The following KCND2 variants were observed in gnomAD, a reference collection of about 807,000 sequenced individuals.
KCND2 encodes the protein potassium voltage-gated channel subfamily D member 2, also known as A-type voltage-gated potassium channel KCND2.
In KCND2, 16 loss-of-function variants were observed where a neutral mutation model predicts 54.4. That is an observed-to-expected ratio of 0.29 (90% CI 0.20 to 0.45). KCND2 has a LOEUF of 0.45. Among genes scored for constraint, KCND2 ranks in the 20% least tolerant of loss-of-function variants. The pLI is 1.00. For synonymous variants in KCND2, 317 were observed against 310.7 expected (o/e 1.02, Z -0.21); for missense variants, 486 against 824.2 (o/e 0.59, Z 5.02).
In KCND2 at chr7:120,611,880, A is replaced by G. The variant is rs182627219; in HGVS notation, c.1116-121023A>G. On this transcript the variant is annotated intron_variant, in intron 1 of 5. Transcript: ENST00000331113. ...GAAGAGAAATGGATGTTTCATAGGAAGAAATCTTTGGCTCATGGTGTTTAG... is the reference window on the plus strand; with the variant it reads ...GAAGAGAAATGGATGTTTCATAGGAGGAAATCTTTGGCTCATGGTGTTTAG... 7.2e-5 allele frequency among the ~76,000 whole-genome samples: 11 copies of G among 152,312 alleles called. No individual in the cohort carries two copies. The East Asian group carries it at 1.5e-3, about 21-fold the overall frequency.
At chr7:120,580,472 G>T (rs752279269) in intron 1 of KCND2, among the ~76,000 whole-genome samples, 5 of 152,064 alleles carry the variant, frequency 3.3e-5, no homozygotes, top group Non-Finnish European at 7.4e-5. Flanking sequence ...AGCAAGACAG[G>T]CCGGAAACTT....
At chr7:120,358,517 T>G (rs1800541080) in intron 1 of KCND2, among the ~76,000 whole-genome samples, 1 of 152,132 alleles carries the variant, frequency 6.6e-6, no homozygotes, top group African/African-American at 2.4e-5. Context: ...TTTTTTTTTG[T>G]CTAATCAGTT....
intron 1 of KCND2, among the ~76,000 whole-genome samples, chr7:120,300,383 T>C (rs143776095): frequency 6.6e-6 from 1 of 152,244 alleles, no homozygotes; most frequent in Non-Finnish European, 1.5e-5. Context: ...ACATTTATAT[T>C]AATATCTTTA....
At chr7:120,505,493 G>T (rs554533807) in intron 1 of KCND2, among the ~76,000 whole-genome samples, 33 of 151,746 alleles carry the variant, frequency 2.2e-4, no homozygotes, top group African/African-American at 7.7e-4. Flanking sequence ...ATAGAGAAAC[G>T]GCATGTTTGT....
intron 1 of KCND2, among the ~76,000 whole-genome samples, chr7:120,450,324 C>T (rs1262810880): frequency 6.6e-6 from 1 of 152,048 alleles, no homozygotes; most frequent in Non-Finnish European, 1.5e-5. Flanking sequence ...GCAGGAGAAT[C>T]GATTTAACCT....
chr7:120,696,047 T>C (rs1003788961), intron 1 of KCND2, among the ~76,000 whole-genome samples: 1 of 152,162 alleles, frequency 6.6e-6, no homozygotes, highest in Non-Finnish European at 1.5e-5. Flanking sequence ...CCTGGGAACA[T>C]CAAACAAGGC....
intron 1 of KCND2, among the ~76,000 whole-genome samples, chr7:120,445,323 A>G (rs1802004422): frequency 1.3e-5 from 2 of 152,206 alleles, no homozygotes; most frequent in South Asian, 2.1e-4. Flanking sequence ...CTAAAATTTC[A>G]GGATGGACTA....
chr7:120,478,642 A>G (rs1310670648), intron 1 of KCND2, among the ~76,000 whole-genome samples: 1 of 152,108 alleles, frequency 6.6e-6, no homozygotes, highest in Admixed American at 6.5e-5. Flanking sequence ...TTGCATAAAT[A>G]TTTTTGAATA....
chr7:120,747,243 G>A (rs929251509), intron 5 of KCND2, among the ~76,000 whole-genome samples: 6 of 151,732 alleles, frequency 4.0e-5, no homozygotes, highest in Non-Finnish European at 8.8e-5. Flanking sequence ...GAGGTTTGAG[G>A]GCATTATATA....
intron 1 of KCND2, among the ~76,000 whole-genome samples, chr7:120,520,087 C>A (rs893526103): frequency 6.6e-6 from 1 of 151,800 alleles, no homozygotes; most frequent in Non-Finnish European, 1.5e-5. Flanking sequence ...AACAATAGTT[C>A]TTTATGATAA....
At chr7:120,634,300 A>G (rs1793276828) in intron 1 of KCND2, among the ~76,000 whole-genome samples, 1 of 152,156 alleles carries the variant, frequency 6.6e-6, no homozygotes, top group Admixed American at 6.6e-5. Context: ...TTTATTTGAG[A>G]AAATATTAAT....
intron 1 of KCND2, among the ~76,000 whole-genome samples, chr7:120,387,840 T>TA (rs1260399727): frequency 2.6e-5 from 4 of 151,964 alleles, no homozygotes; most frequent in Admixed American, 1.3e-4. Context: ...ATTAGTATTT[T>TA]AAAAAATATA....
chr7:120,531,510 A>G (rs1402359250), intron 1 of KCND2, among the ~76,000 whole-genome samples: 1 of 152,082 alleles, frequency 6.6e-6, no homozygotes, highest in African/African-American at 2.4e-5. Context: ...CCCATCTTAG[A>G]AAAGACCTCC....
intron 1 of KCND2, among the ~76,000 whole-genome samples, chr7:120,671,035 A>G (rs1197990856): frequency 6.6e-6 from 1 of 152,038 alleles, no homozygotes. Context: ...TTTAATAGCT[A>G]TTTTCCAACT....
intron 1 of KCND2, among the ~76,000 whole-genome samples, chr7:120,358,108 A>G (rs2116395860): frequency 6.6e-6 from 1 of 152,246 alleles, no homozygotes; most frequent in African/African-American, 2.4e-5. Context: ...AATTTGATGG[A>G]TGGGTATGGT....
At chr7:120,476,060 A>G (rs963502887) in intron 1 of KCND2, among the ~76,000 whole-genome samples, 1 of 152,294 alleles carries the variant, frequency 6.6e-6, no homozygotes, top group African/African-American at 2.4e-5. Context: ...TTACTTTGTA[A>G]GTGTTTTCCC....
At chr7:120,389,023 C>T (rs1201302171) in intron 1 of KCND2, among the ~76,000 whole-genome samples, 2 of 151,452 alleles carry the variant, frequency 1.3e-5, no homozygotes, top group Non-Finnish European at 2.9e-5. Context: ...CTTTAATTGT[C>T]TAAGACTATA....
intron 2 of KCND2, chr7:120,740,795 C>T (rs1562925186): frequency 4.4e-6 from 2 of 453,292 alleles, no homozygotes; most frequent in Non-Finnish European, 8.9e-6. Context: ...GATAGGCTTA[C>T]TATGTTCTTC....
chr7:120,277,151 A>C (rs1369538477), intron 1 of KCND2, among the ~76,000 whole-genome samples: 1 of 152,126 alleles, frequency 6.6e-6, no homozygotes, highest in Non-Finnish European at 1.5e-5. Flanking sequence ...AAATTGGGGT[A>C]AAGAAAAATA....
Sources: allele counts gnomAD v4.1 joint callset (sites outside exome capture counted in the v4.1 genomes callset), GRCh38; gene constraint gnomAD v4.1.1; transcripts MANE v1.5; gene names NCBI Gene and HGNC (gene_info 2026-07-23, HGNC 2026-07-21).